Variants in EBF2 observed in about 807,000 individuals in gnomAD.
The protein encoded by EBF2 is transcription factor COE2.
A neutral mutation model predicts 72.8 loss-of-function variants in EBF2; 21 were observed. The ratio of observed to expected loss-of-function variants is 0.29; its 90% confidence interval spans 0.20 to 0.42. The LOEUF is 0.42. EBF2 is among the 10% of genes least tolerant of loss of function. The pLI is 1.00. For missense variants in EBF2, 637 were observed against 731.2 expected (o/e 0.87, Z 1.49); for synonymous variants, 299 against 274.2 (o/e 1.09, Z -0.89).
At chr8:25,865,668 C>T (rs926572747) in intron 10 of EBF2, among the ~76,000 whole-genome samples, 1 of 151,704 alleles carries the variant, frequency 6.6e-6, no homozygotes, top group Non-Finnish European at 1.5e-5. Flanking sequence ...CTCAAGCAAT[C>T]GTCCGCCTTG....
intron 12 of EBF2, 34 bp from the exon 13 acceptor site, chr8:25,861,260 C>G: frequency 6.2e-7 from 1 of 1,613,808 alleles, no homozygotes. Flanking sequence ...AGCATTCTAT[C>G]CAGCATAAAG....
At chr8:25,994,717 T>A (rs972933871) in intron 6 of EBF2, among the ~76,000 whole-genome samples, 1 of 152,194 alleles carries the variant, frequency 6.6e-6, no homozygotes, top group Non-Finnish European at 1.5e-5. Context: ...TGTTCTCACT[T>A]ATAAGTGGGA....
intron 10 of EBF2, among the ~76,000 whole-genome samples, chr8:25,877,902 T>C (rs1460274924): frequency 6.6e-6 from 1 of 152,148 alleles, no homozygotes. Context: ...TTGTTTAAAA[T>C]ACAGATTCCC....
rs1458645433 is a variant in EBF2, at chr8:26,042,146, C to T, written c.237G>A (p.Gln79=). The T allele has an allele frequency of 1.2e-5, 20 of 1,614,072 alleles. No individual in the cohort carries two copies. Among genetic ancestry groups the T allele is most frequent in the Non-Finnish European group, 1.7e-5 (20 of 1,180,044 alleles). Residue 79 remains glutamine, a synonymous_variant, in exon 2 of 16, where the codon CAG becomes CAA. Coordinates refer to ENST00000520164, the MANE Select transcript of EBF2 (RefSeq NM_022659.4). ...FVLALYDRQG[Q]PVEIERTAFV... ...AGGCCGTCCGCTCGATCTCCACCGG[C>T]TGGCCCTGCCTGTCATAGAGCGCCA... is the stretch of plus-strand genomic sequence containing the variant.
At chr8:26,015,802 G>GC (rs759425569) in intron 6 of EBF2, among the ~76,000 whole-genome samples, 4 of 152,140 alleles carry the variant, frequency 2.6e-5, no homozygotes, top group Non-Finnish European at 4.4e-5. Context: ...CAAAGCCTAG[G>GC]CCAATGAAGC....
chr8:25,939,186 C>G (rs888444802), intron 6 of EBF2, among the ~76,000 whole-genome samples: 1 of 152,178 alleles, frequency 6.6e-6, no homozygotes, highest in African/African-American at 2.4e-5. Flanking sequence ...ATTCTGTGAT[C>G]TTCTTTTCTT....
At chr8:25,938,951 C>T (rs750262072) in intron 6 of EBF2, among the ~76,000 whole-genome samples, 1 of 152,098 alleles carries the variant, frequency 6.6e-6, no homozygotes. Context: ...GCTCTTCTTC[C>T]TCTTACAGCT....
At chr8:26,033,011 G>A (rs1298718424) in intron 6 of EBF2, 74 bp downstream of exon 6, 2 of 1,380,578 alleles carry the variant, frequency 1.4e-6, no homozygotes, top group Non-Finnish European at 2.1e-6. Flanking sequence ...AAAGCTCCAT[G>A]GATCAGTACT....
rs1802695109 is a variant in EBF2, at chr8:25,886,733, T to C, written c.1009+22A>G. 1.9e-6 allele frequency: 3 copies of C among 1,601,576 alleles called. No homozygotes were observed. The African/African-American group carries it at 4.0e-5, about 21-fold the overall frequency. On this transcript the variant is annotated intron_variant, in intron 10 of 15. Coordinates refer to ENST00000520164, the MANE Select transcript of EBF2 (RefSeq NM_022659.4). ...AAGGCAAACCAGAAGCCAGCCTCTC[T>C]TGGAATCGTTTTCTCACCTACCTGT...
At chr8:25,865,986 C>G (rs1802305932) in intron 10 of EBF2, among the ~76,000 whole-genome samples, 2 of 151,590 alleles carry the variant, frequency 1.3e-5, no homozygotes. Flanking sequence ...GATCACGCCG[C>G]TGCACCCCAG....
intron 10 of EBF2, among the ~76,000 whole-genome samples, chr8:25,881,650 T>C (rs1288086187): frequency 6.6e-6 from 1 of 152,234 alleles, no homozygotes; most frequent in Non-Finnish European, 1.5e-5. Flanking sequence ...CCCCTTGGCC[T>C]GTGCCCATGG....
chr8:25,957,292 CAT>C (rs912494136), intron 6 of EBF2, among the ~76,000 whole-genome samples: 14 of 152,194 alleles, frequency 9.2e-5, no homozygotes, highest in Non-Finnish European at 1.8e-4. Flanking sequence ...CTTTCATACA[CAT>C]GTCTTCACAA....
chr8:25,844,551 T>G lies in EBF2; in HGVS notation c.*58A>C. On this transcript the variant is annotated 3_prime_UTR_variant, in exon 16 of 16. Coordinates refer to ENST00000520164, the MANE Select transcript of EBF2 (RefSeq NM_022659.4). The stretch of plus-strand genomic sequence containing the variant: ...ACCCCCAAAAGAGCTCCTAGTGCTT[T>G]CTTCATTATTGGTCCATCAGAGTAA... 1 of 1,601,114 alleles carries G rather than the reference T, an allele frequency of 6.2e-7. No homozygotes were observed. Among genetic ancestry groups the G allele is most frequent in the Non-Finnish European group, 8.6e-7 (1 of 1,168,366 alleles).
chr8:26,033,253 G>C, intron 5 of EBF2, 100 bp from the exon 6 acceptor site: 1 of 1,180,706 alleles, frequency 8.5e-7, no homozygotes, highest in South Asian at 1.2e-5. Context: ...GACAGAGTCT[G>C]GCTCTGTCAC....
chr8:25,844,687 G>T (rs781303090), intron 15 of EBF2, 47 bp from the exon 16 acceptor site: 3 of 1,611,010 alleles, frequency 1.9e-6, no homozygotes, highest in Non-Finnish European at 2.5e-6. Flanking sequence ...GACTTTTTAT[G>T]TTCAAGGCTA....
chr8:25,845,952 C>T (rs190973946), intron 15 of EBF2, among the ~76,000 whole-genome samples: 11 of 152,326 alleles, frequency 7.2e-5, no homozygotes, highest in Admixed American at 7.2e-4. Flanking sequence ...CCATCTCTCT[C>T]TCCTCTCTTA....
At chr8:25,881,038 G>C (rs1802597988) in intron 10 of EBF2, among the ~76,000 whole-genome samples, 1 of 151,812 alleles carries the variant, frequency 6.6e-6, no homozygotes, top group South Asian at 2.1e-4. Flanking sequence ...ATCCACTTCT[G>C]CCTGTCCCCA....
intron 5 of EBF2, among the ~76,000 whole-genome samples, chr8:26,034,315 G>C (rs1406347818): frequency 2.0e-5 from 3 of 152,196 alleles, no homozygotes; most frequent in Non-Finnish European, 4.4e-5. Flanking sequence ...GTCTGAAACA[G>C]AAATGGTATC....
chr8:26,012,641 A>G (rs1466250651), intron 6 of EBF2, among the ~76,000 whole-genome samples: 1 of 152,192 alleles, frequency 6.6e-6, no homozygotes, highest in East Asian at 1.9e-4. Context: ...CCACTAATGG[A>G]CAGAGTTACC....
Sources: gnomAD v4.1 joint callset for allele counts (sites outside exome capture counted in the v4.1 genomes callset) on GRCh38, gnomAD v4.1.1 for gene constraint, MANE v1.5 for transcripts, NCBI Gene and HGNC (gene_info 2026-07-23, HGNC 2026-07-21) for gene names.